TENM2: variants seen among roughly 807,000 people sequenced by gnomAD.
The protein encoded by TENM2 is teneurin-2.
In TENM2, 52 loss-of-function variants were observed where a neutral mutation model predicts 245.2. The observed-to-expected ratio is 0.21, with a 90% CI of 0.17 to 0.27. The LOEUF is 0.27. Ranked by LOEUF, TENM2 falls within the 10% of genes least tolerant of loss-of-function variation. The probability of loss-of-function intolerance (pLI) is 1.00; values close to 1 mark genes in which losing one functional copy is unlikely to be tolerated. For missense variants in TENM2, 3,046 were observed against 3,666.8 expected, an observed-to-expected ratio of 0.83 and a Z score of 4.37; for synonymous variants, 1,363 against 1,438.9, an observed-to-expected ratio of 0.95 and a Z score of 1.19.
intron 3 of TENM2, among the ~76,000 whole-genome samples, chr5:167,911,651 A>G (rs1476308819): frequency 6.6e-6 from 1 of 152,212 alleles, no homozygotes; most frequent in East Asian, 1.9e-4. Flanking sequence ...TAGTTCCAGG[A>G]GCACTGGGGC....
intron 2 of TENM2, among the ~76,000 whole-genome samples, chr5:167,402,654 A>C (rs935595190): frequency 6.6e-6 from 1 of 152,090 alleles, no homozygotes; most frequent in African/African-American, 2.4e-5. Flanking sequence ...TCCAGTGCAC[A>C]TAGAATGGAC....
chr5:168,125,212 G>A (rs1323977520), intron 11 of TENM2, among the ~76,000 whole-genome samples, 162 bp downstream of exon 13: 1 of 152,160 alleles, frequency 6.6e-6, no homozygotes, highest in Admixed American at 6.5e-5. Flanking sequence ...CAATCGTGGA[G>A]TCTGTGATCT....
At chr5:168,112,606 C>CGGGGGGGGGGGGGGGGGGGGG (rs11446185) in intron 9 of TENM2, among the ~76,000 whole-genome samples, 1 of 64,080 alleles carries the variant, frequency 1.6e-5, no homozygotes, top group Non-Finnish European at 3.3e-5. Flanking sequence ...GTGCAGTGGG[C>CGGGGGGGGGGGGGGGGGGGGG]GGGGGGGGGG....
chr5:167,412,740 T>C (rs1389238346), intron 2 of TENM2, among the ~76,000 whole-genome samples: 2 of 152,126 alleles, frequency 1.3e-5, no homozygotes, highest in Non-Finnish European at 1.5e-5. Flanking sequence ...TAAATCCAAA[T>C]TGATGAAACT....
chr5:168,244,516 T>G lies in TENM2; in HGVS notation c.5617T>G (p.Tyr1873Asp), dbSNP rs1234622710. 6.2e-7 allele frequency: 1 copy of G among 1,612,032 alleles called. No homozygotes were observed. Among genetic ancestry groups the G allele is most frequent in the African/African-American group, 1.3e-5 (1 of 74,906 alleles). Residue 1873 changes from tyrosine to aspartate, a missense_variant, in exon 26 of 29, where the codon TAT (tyrosine) becomes GAT (aspartate). Around this residue, in one of 2 missense-constraint regions of TENM2, gnomAD observed 2,704 missense variants for 3,331.9 expected, o/e 0.81. Transcript: ENST00000518659. This position sits in a 1 kb window ranked among gnomAD's most constrained non-coding sequence, Gnocchi z 4.9. ...CCGGAAGTTCACCCTGAGGATCATT[T>G]ATGACCAGGTGGGCCGCCCCTTCCT...
At chr5:167,623,797 A>G (rs1021495416) in intron 2 of TENM2, among the ~76,000 whole-genome samples, 2 of 152,154 alleles carry the variant, frequency 1.3e-5, no homozygotes, top group African/African-American at 2.4e-5. Flanking sequence ...TTCCCATTAT[A>G]GTAAAATGAA....
chr5:167,794,172 T>C (rs964577062), intron 2 of TENM2, among the ~76,000 whole-genome samples: 3 of 152,000 alleles, frequency 2.0e-5, no homozygotes, highest in East Asian at 1.9e-4. Flanking sequence ...AGAACCCAGA[T>C]AAAATCCAAA....
chr5:168,175,447 C>A (rs959345876), intron 13 of TENM2, among the ~76,000 whole-genome samples: 1 of 152,166 alleles, frequency 6.6e-6, no homozygotes, highest in Non-Finnish European at 1.5e-5. Flanking sequence ...GGTCATGAAC[C>A]GGTGACCCCC....
intron 2 of TENM2, among the ~76,000 whole-genome samples, chr5:167,661,512 G>A (rs1755205533): frequency 6.6e-6 from 1 of 152,182 alleles, no homozygotes; most frequent in South Asian, 2.1e-4. Flanking sequence ...GGTGCCACTT[G>A]AGTGATGTCC....
intron 4 of TENM2, among the ~76,000 whole-genome samples, chr5:167,954,720 G>T (rs112059073): frequency 6.6e-6 from 1 of 152,106 alleles, no homozygotes; most frequent in African/African-American, 2.4e-5. Flanking sequence ...TGTGGTGTTT[G>T]GTTTTCTGTT....
At chr5:167,101,849 T>TTATATATATATATATATTTTTATA in the TENM2 span, among the ~76,000 whole-genome samples, 1 of 69,456 alleles carries the variant, frequency 1.4e-5, no homozygotes. Flanking sequence ...ATATATATAT[T>TTATATATATATATATATTTTTATA]TATATATATA....
chr5:167,954,393 T>G (rs554198236), intron 4 of TENM2, among the ~76,000 whole-genome samples: 1 of 152,368 alleles, frequency 6.6e-6, no homozygotes, highest in South Asian at 2.1e-4. Context: ...GGTGCAGTTT[T>G]GGCATGCATG....
intron 2 of TENM2, among the ~76,000 whole-genome samples, chr5:167,618,600 C>T (rs774539604): frequency 6.6e-6 from 1 of 152,116 alleles, no homozygotes; most frequent in Non-Finnish European, 1.5e-5. Flanking sequence ...ACTTATTCTA[C>T]TTATAAGTTC....
intron 19 of TENM2, among the ~76,000 whole-genome samples, chr5:168,210,000 C>G (rs1762664804): frequency 6.6e-6 from 1 of 152,198 alleles, no homozygotes; most frequent in African/African-American, 2.4e-5. Flanking sequence ...TAATCCATCT[C>G]AATTCTCCCA....
intron 14 of TENM2, 36 bp from the exon 17 acceptor site, chr5:168,195,140 A>G (rs1472437766): frequency 1.9e-6 from 3 of 1,561,924 alleles, no homozygotes; most frequent in Admixed American, 3.8e-5. Context: ...GTTCTCCTGC[A>G]TGTGGCTCAA....
chr5:167,321,843 C>G (rs567090434), intron 1 of TENM2, among the ~76,000 whole-genome samples: 135 of 122,428 alleles, frequency 1.1e-3, no homozygotes, highest in African/African-American at 3.2e-3. Context: ...GTCACTCACT[C>G]TGCCACCCAG....
At chr5:167,811,251 A>G (rs145681188) in intron 2 of TENM2, among the ~76,000 whole-genome samples, 1 of 152,122 alleles carries the variant, frequency 6.6e-6, no homozygotes, top group Non-Finnish European at 1.5e-5. Context: ...TGCAATCTTC[A>G]TTGTTGGAGG....
intron 3 of TENM2, among the ~76,000 whole-genome samples, chr5:167,878,781 A>G (rs1773643839): frequency 6.6e-6 from 1 of 152,132 alleles, no homozygotes; most frequent in Admixed American, 6.5e-5. Context: ...AAAGGGGCTG[A>G]ATTTTTCAGG....
chr5:167,285,516 C>A (rs576492438), intron 1 of TENM2, among the ~76,000 whole-genome samples: 1 of 152,066 alleles, frequency 6.6e-6, no homozygotes, highest in African/African-American at 2.4e-5. Context: ...TGTAATTATC[C>A]CTCCTACTTT....
Sources: gnomAD v4.1 joint callset for allele counts (sites outside exome capture counted in the v4.1 genomes callset) on GRCh38, gnomAD v4.1.1 for gene constraint, gnomAD v4.1.1 regional missense constraint, Gnocchi (gnomAD v3.1) non-coding constraint, MANE v1.5 for transcripts, NCBI Gene and HGNC (gene_info 2026-07-23, HGNC 2026-07-21) for gene names.